Variants in CRPPA observed in about 807,000 individuals in gnomAD.
CRPPA encodes the protein D-ribitol-5-phosphate cytidylyltransferase.
Under a neutral mutation model 52.0 loss-of-function variants are expected in CRPPA, and 43 were observed. The observed-to-expected ratio is 0.83, with a 90% confidence interval of 0.65 to 1.07. The LOEUF is 1.07. Among genes scored for constraint, CRPPA ranks in the 50% least tolerant of loss-of-function variants. The probability of loss-of-function intolerance (pLI) is 0.00; values close to 1 mark genes in which losing one functional copy is unlikely to be tolerated. For missense variants in CRPPA, 629 were observed against 551.7 expected (o/e 1.14, Z -1.40); for synonymous variants, 250 against 203.5 (o/e 1.23, Z -1.94).
At chr7:16,401,181 C>T (rs1234388892) in intron 2 of CRPPA, among the ~76,000 whole-genome samples, 2 of 152,196 alleles carry the variant, frequency 1.3e-5, no homozygotes, top group African/African-American at 4.8e-5. Flanking sequence ...ATCATGTTTT[C>T]TCATTAGCAT....
intron 2 of CRPPA, among the ~76,000 whole-genome samples, chr7:16,400,266 C>G (rs6949112): frequency 3.3e-5 from 5 of 152,034 alleles, no homozygotes; most frequent in Non-Finnish European, 7.4e-5. Flanking sequence ...GTGATTGTCA[C>G]GTGATTACCT....
At chr7:16,402,279 C>G (rs1394464549) in intron 2 of CRPPA, among the ~76,000 whole-genome samples, 1 of 152,140 alleles carries the variant, frequency 6.6e-6, no homozygotes, top group Non-Finnish European at 1.5e-5. Context: ...TTTAACATTA[C>G]CACAGAATCT....
intron 9 of CRPPA, among the ~76,000 whole-genome samples, chr7:16,171,357 A>T (rs1006845058): frequency 6.6e-6 from 1 of 151,978 alleles, no homozygotes; most frequent in Non-Finnish European, 1.5e-5. Flanking sequence ...CTTTCTTTTC[A>T]CCTATCTTGT....
chr7:16,329,872 A>T (rs16878722), intron 3 of CRPPA, among the ~76,000 whole-genome samples: 3,071 of 152,342 alleles, frequency 0.02, 193 homozygotes, highest in East Asian at 0.18. Context: ...CACAACTAAA[A>T]AGAATACTAC....
intron 6 of CRPPA, among the ~76,000 whole-genome samples, chr7:16,277,822 C>T (rs1381885817): frequency 2.0e-5 from 3 of 152,132 alleles, no homozygotes; most frequent in Non-Finnish European, 4.4e-5. Flanking sequence ...AAGCATCTAG[C>T]ATGTGCTGGC....
chr7:16,211,867 G>T (rs928354297), intron 9 of CRPPA, among the ~76,000 whole-genome samples: 1 of 152,108 alleles, frequency 6.6e-6, no homozygotes, highest in Non-Finnish European at 1.5e-5. Flanking sequence ...AACCTTCAAA[G>T]CCCAGACAAT....
chr7:16,218,942 C>T (rs1270140330), intron 8 of CRPPA, among the ~76,000 whole-genome samples: 11 of 152,074 alleles, frequency 7.2e-5, no homozygotes, highest in Non-Finnish European at 1.2e-4. Flanking sequence ...CCAAGCAGAC[C>T]TAATAGACAT....
At chr7:16,366,034 A>G (rs1316418722) in intron 3 of CRPPA, among the ~76,000 whole-genome samples, 1 of 152,232 alleles carries the variant, frequency 6.6e-6, no homozygotes, top group Non-Finnish European at 1.5e-5. Flanking sequence ...TTTATTGCTC[A>G]TAATTCGAGA....
intron 8 of CRPPA, among the ~76,000 whole-genome samples, chr7:16,234,121 A>G (rs1782877188): frequency 6.6e-6 from 1 of 152,162 alleles, no homozygotes; most frequent in Non-Finnish European, 1.5e-5. Flanking sequence ...TTGCACATAT[A>G]AACTAAAACA....
At chr7:16,259,164 A>G (rs1389571512) in intron 6 of CRPPA, among the ~76,000 whole-genome samples, 152 bp from the exon 7 acceptor site, 2 of 152,012 alleles carry the variant, frequency 1.3e-5, no homozygotes, top group African/African-American at 4.8e-5. Flanking sequence ...TCATCAGGCT[A>G]TCAAGAAATA....
At chr7:16,358,331 T>A (rs1786357423) in intron 3 of CRPPA, among the ~76,000 whole-genome samples, 1 of 152,098 alleles carries the variant, frequency 6.6e-6, no homozygotes, top group Non-Finnish European at 1.5e-5. Flanking sequence ...AAGGGAGATG[T>A]TTACAGGGTC....
intron 9 of CRPPA, among the ~76,000 whole-genome samples, chr7:16,171,987 T>C (rs1310910452): frequency 6.6e-6 from 1 of 152,180 alleles, no homozygotes; most frequent in African/African-American, 2.4e-5. Context: ...TACAAGTAGC[T>C]ATATTTTTCC....
intron 9 of CRPPA, among the ~76,000 whole-genome samples, chr7:16,158,060 T>G (rs1198518342): frequency 6.7e-6 from 1 of 149,318 alleles, no homozygotes; most frequent in Admixed American, 6.7e-5. Flanking sequence ...TTTTTTTTTG[T>G]ATTTTAGTAG....
At chr7:16,216,639 G>A (rs1003837104) in intron 8 of CRPPA, 5 of 156,012 alleles carry the variant, frequency 3.2e-5, no homozygotes, top group Admixed American at 2.6e-4. Flanking sequence ...GAAGCGCAAG[G>A]GGTCAGGGAG....
intron 9 of CRPPA, among the ~76,000 whole-genome samples, chr7:16,153,600 C>T (rs1291522472): frequency 6.6e-6 from 1 of 152,110 alleles, no homozygotes; most frequent in African/African-American, 2.4e-5. Flanking sequence ...CTACCAAGTC[C>T]TATTTCCTAT....
intron 8 of CRPPA, among the ~76,000 whole-genome samples, chr7:16,248,845 A>G (rs1354069931): frequency 1.3e-5 from 2 of 152,150 alleles, no homozygotes; most frequent in Non-Finnish European, 2.9e-5. Flanking sequence ...TTGGAGGAAC[A>G]GTATACTCTT....
intron 9 of CRPPA, among the ~76,000 whole-genome samples, chr7:16,139,311 T>C (rs1401695126): frequency 2.0e-5 from 3 of 152,204 alleles, no homozygotes; most frequent in Non-Finnish European, 4.4e-5. Context: ...GTAACAAAAC[T>C]TGACCTGTAC....
chr7:16,316,975 G>C (rs966840787), intron 3 of CRPPA, among the ~76,000 whole-genome samples: 1 of 151,718 alleles, frequency 6.6e-6, no homozygotes, highest in Admixed American at 6.6e-5. Flanking sequence ...ATAAACACAG[G>C]GTATTCGTTT....
At chr7:16,252,775 A>G (rs1029124734) in intron 8 of CRPPA, among the ~76,000 whole-genome samples, 2 of 152,040 alleles carry the variant, frequency 1.3e-5, no homozygotes, top group Admixed American at 6.6e-5. Context: ...TATTGCCTCA[A>G]TTTCAGACTC....
Sources: gnomAD v4.1 joint callset for allele counts (sites outside exome capture counted in the v4.1 genomes callset) on GRCh38, gnomAD v4.1.1 for gene constraint, MANE v1.5 for transcripts, NCBI Gene and HGNC (gene_info 2026-07-23, HGNC 2026-07-21) for gene names.